The following PKHD1L1 variants were observed in gnomAD, a reference collection of about 807,000 sequenced individuals.
PKHD1L1 encodes the protein fibrocystin-L.
Under a neutral mutation model 462.9 loss-of-function variants are expected in PKHD1L1, and 434 were observed. The ratio of observed to expected loss-of-function variants is 0.94; its 90% CI spans 0.87 to 1.02. The LOEUF is 1.02. Ranked by LOEUF, PKHD1L1 falls within the 50% of genes least tolerant of loss-of-function variation. The pLI, the probability that PKHD1L1 is intolerant of heterozygous loss-of-function variation, is 0.00. For synonymous variants in PKHD1L1, 1,781 were observed against 1,750.0 expected, an observed-to-expected ratio of 1.02 and a Z score of -0.44; for missense variants, 5,202 against 5,096.1, an observed-to-expected ratio of 1.02 and a Z score of -0.63.
At position 109,476,569 on chromosome 8, in the gene PKHD1L1, T is replaced by C. The variant is rs749266966; in HGVS notation, c.8819T>C (p.Ile2940Thr). The part of the protein sequence containing the change: ...FTQNPDMFNI[I>T]DMRNGSSNPL... ...CAAAATCCTGACATGTTTAATATTA[T>C]TGATATGAGGAATGGTTCCTCAAAT... Residue 2940 changes from isoleucine (I) to threonine (T), a missense_variant, in exon 52 of 78, where the codon ATT becomes ACT. By Grantham distance (89) the Ile-to-Thr change is moderately conservative. Around this residue, in one of 3 missense-constraint regions of PKHD1L1, gnomAD observed 4,497 missense variants for 4,336.8 expected, o/e 1.04. Coordinates refer to ENST00000378402, the MANE Select transcript of PKHD1L1 (RefSeq NM_177531.6). 17 of 1,557,038 alleles carry C rather than the reference T, an allele frequency of 1.1e-5. No homozygotes were observed. The East Asian group carries it at 3.2e-4, about 29-fold the overall frequency.
intron 3 of PKHD1L1, among the ~76,000 whole-genome samples, chr8:109,381,803 GT>G (rs1159836758): frequency 1.3e-5 from 2 of 151,988 alleles, no homozygotes; most frequent in African/African-American, 4.8e-5. Flanking sequence ...TTGTAATGAT[GT>G]GCCTTAAAAT....
intron 4 of PKHD1L1, among the ~76,000 whole-genome samples, 185 bp downstream of exon 4, chr8:109,382,756 A>T (rs1394530825): frequency 6.6e-6 from 1 of 151,688 alleles, no homozygotes; most frequent in East Asian, 1.9e-4. Flanking sequence ...GTTATTTCTG[A>T]TTTGTTTCCC....
rs71305953 is a variant in PKHD1L1 at position 109,498,087 on chromosome 8, CTTTTTT to C, written c.10600-355_10600-350del. 5.1e-5 allele frequency among the ~76,000 whole-genome samples: 3 copies of C among 58,960 alleles called. 1 individual carries two copies. The highest frequency in any genetic ancestry group is 3.0e-5 in the Non-Finnish European group (1 of 33,370). The allele number at this position is 58,960 out of a possible 152,430, so 38.7% of individuals were successfully genotyped here. A position where few individuals can be genotyped will look rare whatever the true frequency, so the allele number is the denominator to read the frequency against. ...TTAGTACTATTCATTATCATGTTTTCTTTTTTTTTTTTTTTTTTTTTTTTTGAGACG... is the reference window on the plus strand; with the variant it reads ...TTAGTACTATTCATTATCATGTTTTCTTTTTTTTTTTTTTTTTTTGAGACG... On this transcript the variant is annotated intron_variant, in intron 65 of 77. Transcript: ENST00000378402.
intron 17 of PKHD1L1, among the ~76,000 whole-genome samples, chr8:109,407,349 TC>T (rs1175777152): frequency 6.6e-6 from 1 of 152,192 alleles, no homozygotes; most frequent in Non-Finnish European, 1.5e-5. Flanking sequence ...CATATGGATA[TC>T]CTTTTTGATG....
rs546815325 is a variant in PKHD1L1 at position 109,425,989 on chromosome 8, C to CG, written c.2845+760dup. ...TGGTTCACATTATTTATCAGTTGTA[C>CG]GGGACTAATCTAGACAACTATAATA... On this transcript the variant is annotated intron_variant, in intron 24 of 77. Coordinates refer to ENST00000378402, the MANE Select transcript of PKHD1L1 (RefSeq NM_177531.6). Among the ~76,000 whole-genome samples the CG allele has an allele frequency of 2.0e-4, 30 of 152,064 alleles. No individual in the cohort carries two copies. The South Asian group carries it at 6.2e-3, about 31-fold the overall frequency.
chr8:109,430,009 C>G lies in PKHD1L1; in HGVS notation c.3201C>G (p.Pro1067=), dbSNP rs771727179. The G allele has an allele frequency of 3.0e-5, 49 of 1,609,848 alleles. No homozygotes were observed. The highest frequency in any genetic ancestry group is 2.5e-6 in the Non-Finnish European group (3 of 1,178,598). Reference sequence around the variant, plus strand: ...TTACATGGGATTCCAACATTACTCCCCTAGTCTTGGCGATAAGCCCTTCTC... The same window carrying G: ...TTACATGGGATTCCAACATTACTCCGCTAGTCTTGGCGATAAGCCCTTCTC... ...CGFTWDSNIT[P]LVLAISPSQG... Residue 1067 remains proline, a synonymous_variant, in exon 27 of 78, where the codon CCC becomes CCG. Transcript: ENST00000378402.
At chr8:109,484,789 G>T (rs922546738) in intron 57 of PKHD1L1, among the ~76,000 whole-genome samples, 1 of 151,650 alleles carries the variant, frequency 6.6e-6, no homozygotes, top group Non-Finnish European at 1.5e-5. Context: ...TTTTAAAAAA[G>T]GTATATTGCT....
At position 109,440,632 on chromosome 8, in the gene PKHD1L1, A is replaced by AAAG; in HGVS notation, c.3957-77_3957-76insAGA. On this transcript the variant is annotated intron_variant, in intron 32 of 77. Transcript: ENST00000378402. ...ATCCAGTTATTTCCTCTTTCTAAAG[A>AAAG]AGTCATATCCTAGCAAGAGTTTAGC... 3.1e-6 allele frequency: 4 copies of AAAG among 1,290,014 alleles called. No homozygotes were observed. The South Asian group carries it at 6.4e-5, about 21-fold the overall frequency. The allele number at this position is 1,290,014 out of a possible 1,614,324, so 79.9% of individuals were successfully genotyped here.
rs1396597585 is a variant in PKHD1L1, at chr8:109,534,250, C to T, written c.*4160C>T. On this transcript the variant is annotated 3_prime_UTR_variant, in exon 78 of 78. Transcript: ENST00000378402. ...GGCCAAGGCAGGCGGATCACGAGGT[C>T]AGGAGATCGAGACTATCCTGGCTAA... 2.6e-5 allele frequency among the ~76,000 whole-genome samples: 4 copies of T among 152,220 alleles called. No homozygotes were observed. Among genetic ancestry groups the T allele is most frequent in the African/African-American group, 4.8e-5 (2 of 41,460 alleles).
chr8:109,422,078 T>C (rs1404961239), intron 23 of PKHD1L1, among the ~76,000 whole-genome samples: 1 of 152,232 alleles, frequency 6.6e-6, no homozygotes, highest in Admixed American at 6.5e-5. Flanking sequence ...CACATGCAGT[T>C]GTAAGAAATA....
intron 48 of PKHD1L1, among the ~76,000 whole-genome samples, chr8:109,463,571 TAC>T (rs3058255): frequency 0.023 from 3,509 of 151,612 alleles, 72 homozygotes; most frequent in African/African-American, 0.055. Flanking sequence ...CACACGCACA[TAC>T]ACACACACAC....
At chr8:109,407,036 T>C (rs541176941) in intron 17 of PKHD1L1, among the ~76,000 whole-genome samples, 1 of 152,332 alleles carries the variant, frequency 6.6e-6, no homozygotes, top group East Asian at 1.9e-4. Context: ...TATTAATGTT[T>C]TACACAAAAC....
intron 2 of PKHD1L1, among the ~76,000 whole-genome samples, chr8:109,374,594 C>T (rs1339943226): frequency 6.6e-6 from 1 of 152,112 alleles, no homozygotes; most frequent in Non-Finnish European, 1.5e-5. Context: ...TCTTCCTAGC[C>T]TTGATGGTCT....
intron 38 of PKHD1L1, among the ~76,000 whole-genome samples, chr8:109,446,952 G>A (rs1390125663): frequency 1.3e-5 from 2 of 152,128 alleles, no homozygotes; most frequent in Admixed American, 6.6e-5. Flanking sequence ...GTCCAGGTGC[G>A]GTGGCTCACG....
chr8:109,477,530 A>T, intron 53 of PKHD1L1, 134 bp downstream of exon 53: 1 of 803,452 alleles, frequency 1.2e-6, no homozygotes. Context: ...TTTCACATTC[A>T]CTGCTTTGCT....
At position 109,530,115 on chromosome 8, in the gene PKHD1L1, A is replaced by G. The variant is rs1488812740; in HGVS notation, c.*25A>G. On this transcript the variant is annotated 3_prime_UTR_variant, in exon 78 of 78. Transcript: ENST00000378402. ...AAGTGCTGTTCCGAAGAATAGGCTG[A>G]AACAAAAATATAAGAATTATTAGCT... The G allele has an allele frequency of 1.3e-5, 16 of 1,254,170 alleles. No individual in the cohort carries two copies. The highest frequency in any genetic ancestry group is 1.5e-5 in the Non-Finnish European group (15 of 986,134). 77.7% of individuals were successfully genotyped at this position (1,254,170 alleles called of 1,614,324 possible). A position where few individuals can be genotyped will look rare whatever the true frequency, so the allele number is the denominator to read the frequency against.
chr8:109,414,006 C>T (rs1050970948), intron 21 of PKHD1L1, among the ~76,000 whole-genome samples: 2 of 151,950 alleles, frequency 1.3e-5, no homozygotes, highest in Non-Finnish European at 2.9e-5. Flanking sequence ...AATAGAGAAA[C>T]ATAAAGGAAG....
At chr8:109,404,113 A>G (rs1458262130) in intron 14 of PKHD1L1, among the ~76,000 whole-genome samples, 1 of 152,208 alleles carries the variant, frequency 6.6e-6, no homozygotes, top group African/African-American at 2.4e-5. Flanking sequence ...GGAATGTGAA[A>G]GTAGGAACTT....
intron 50 of PKHD1L1, among the ~76,000 whole-genome samples, chr8:109,471,774 C>T (rs558979979): frequency 6.6e-6 from 1 of 152,278 alleles, no homozygotes; most frequent in African/African-American, 2.4e-5. Context: ...AGTGTTAATA[C>T]ATCACATCTT....
Sources: gnomAD v4.1 joint callset for allele counts (sites outside exome capture counted in the v4.1 genomes callset) on GRCh38, gnomAD v4.1.1 for gene constraint, gnomAD v4.1.1 regional missense constraint, MANE v1.5 for transcripts, NCBI Gene and HGNC (gene_info 2026-07-23, HGNC 2026-07-21) for gene names.